Variants in ADAM12 observed in about 807,000 individuals in gnomAD.
ADAM12 encodes disintegrin and metalloproteinase domain-containing protein 12.
A neutral mutation model predicts 106.4 loss-of-function variants in ADAM12; 70 were observed. The ratio of observed to expected loss-of-function variants is 0.66; its 90% CI spans 0.54 to 0.80. ADAM12 has a LOEUF of 0.80. Among genes scored for constraint, ADAM12 ranks in the 30% least tolerant of loss-of-function variants. ADAM12 has a pLI of 0.00. For synonymous variants in ADAM12, 420 were observed against 433.5 expected (o/e 0.97, Z 0.39); for missense variants, 1,010 against 1,171.9 (o/e 0.86, Z 2.02).
Position 126,188,695 on chromosome 10 carries a change from C to G in ADAM12, c.261-33390G>C, listed in dbSNP as rs548808402. On this transcript the variant is annotated intron_variant, in intron 3 of 22. Coordinates refer to ENST00000448723, the MANE Select transcript of ADAM12 (RefSeq NM_001288973.2). ...ATCTTTGTACGCCCTTTAATCCCCT[C>G]ATCTTACCTTTGGGAATCTTTTTTT... Among the ~76,000 whole-genome samples the G allele has an allele frequency of 3.9e-5, 6 of 152,278 alleles. No homozygotes were observed. The East Asian group carries it at 5.8e-4, about 15-fold the overall frequency.
At chr10:126,317,496 G>C (rs188940071) in intron 2 of ADAM12, among the ~76,000 whole-genome samples, 1 of 152,180 alleles carries the variant, frequency 6.6e-6, no homozygotes, top group South Asian at 2.1e-4. Context: ...TTTAGAAAAG[G>C]GTCAATTTAA....
chr10:126,021,116 C>T (rs1213674703), intron 21 of ADAM12, among the ~76,000 whole-genome samples: 1 of 151,810 alleles, frequency 6.6e-6, no homozygotes, highest in East Asian at 1.9e-4. Context: ...GTGTTGGACA[C>T]ATCTCTGCTC....
intron 3 of ADAM12, among the ~76,000 whole-genome samples, chr10:126,251,636 T>TAGATGAATG (rs1958760137): frequency 0.077 from 11,094 of 143,890 alleles, no homozygotes; most frequent in Admixed American, 0.089. Flanking sequence ...ATGGATGGGA[T>TAGATGAATG]GATGGGATGG....
At chr10:126,336,415 C>T in intron 1 of ADAM12, among the ~76,000 whole-genome samples, 1 of 152,160 alleles carries the variant, frequency 6.6e-6, no homozygotes, top group East Asian at 1.9e-4. Flanking sequence ...GGCATGTTTG[C>T]CATTCACTGC....
intron 1 of ADAM12, among the ~76,000 whole-genome samples, chr10:126,335,809 T>C (rs1854678849): frequency 1.3e-5 from 2 of 152,190 alleles, no homozygotes; most frequent in Non-Finnish European, 2.9e-5. Flanking sequence ...AGATAAGTCC[T>C]GTGGATGGTA....
chr10:126,092,924 G>A (rs1175999539), intron 11 of ADAM12, among the ~76,000 whole-genome samples: 3 of 152,202 alleles, frequency 2.0e-5, no homozygotes, highest in Non-Finnish European at 4.4e-5. Flanking sequence ...GCTTGAAAAA[G>A]CACAGACACA....
At chr10:126,084,323 G>A (rs972132823) in intron 11 of ADAM12, among the ~76,000 whole-genome samples, 1 of 152,138 alleles carries the variant, frequency 6.6e-6, no homozygotes, top group Admixed American at 6.5e-5. Flanking sequence ...CCAGGGGCGG[G>A]GGACACAGTG....
At chr10:126,196,526 G>A (rs779053418) in intron 3 of ADAM12, among the ~76,000 whole-genome samples, 21 of 152,316 alleles carry the variant, frequency 1.4e-4, no homozygotes, top group Non-Finnish European at 2.4e-4. Flanking sequence ...ACATTTGATT[G>A]AAGACACATT....
At chr10:126,039,238 C>T (rs1325412599) in intron 19 of ADAM12, 56 bp downstream of exon 19, 17 of 1,598,428 alleles carry the variant, frequency 1.1e-5, no homozygotes, top group South Asian at 2.2e-5. Flanking sequence ...TGAGCCACCG[C>T]ACCCAGCCTC....
chr10:126,197,888 G>T (rs75115561), intron 3 of ADAM12, among the ~76,000 whole-genome samples: 1 of 152,190 alleles, frequency 6.6e-6, no homozygotes, highest in Non-Finnish European at 1.5e-5. Context: ...CCCAGACAGC[G>T]GGTGGTACGT....
intron 3 of ADAM12, among the ~76,000 whole-genome samples, chr10:126,182,905 C>A (rs1234178160): frequency 2.6e-5 from 4 of 152,258 alleles, no homozygotes; most frequent in Non-Finnish European, 5.9e-5. Flanking sequence ...GGGCCACAGA[C>A]CGATACCTGT....
intron 3 of ADAM12, among the ~76,000 whole-genome samples, chr10:126,183,080 C>T (rs1957343207): frequency 1.3e-5 from 2 of 152,150 alleles, no homozygotes; most frequent in South Asian, 2.1e-4. Flanking sequence ...GTGAACTGTG[C>T]ATGCGAGGGA....
At chr10:126,224,595 C>G (rs543973033) in intron 3 of ADAM12, among the ~76,000 whole-genome samples, 1 of 152,186 alleles carries the variant, frequency 6.6e-6, no homozygotes, top group Admixed American at 6.5e-5. Flanking sequence ...GCCCTTGTCA[C>G]GAAGGGAGGT....
intron 21 of ADAM12, among the ~76,000 whole-genome samples, chr10:126,030,921 T>C (rs377513772): frequency 6.6e-6 from 1 of 152,202 alleles, no homozygotes; most frequent in Admixed American, 6.5e-5. Context: ...TTTTTTACTA[T>C]TTTAAGTCCA....
intron 6 of ADAM12, among the ~76,000 whole-genome samples, chr10:126,110,536 T>G (rs1955851003): frequency 6.6e-6 from 1 of 151,644 alleles, no homozygotes; most frequent in Non-Finnish European, 1.5e-5. Context: ...AAGAAAAAAC[T>G]AAGACTGCAA....
intron 1 of ADAM12, among the ~76,000 whole-genome samples, chr10:126,382,784 G>A (rs750998727): frequency 6.6e-6 from 1 of 152,126 alleles, no homozygotes; most frequent in African/African-American, 2.4e-5. Context: ...CAATGAGAAA[G>A]AGGTGAACAA....
chr10:126,020,594 T>G (rs1417624884), intron 21 of ADAM12, among the ~76,000 whole-genome samples: 1 of 152,184 alleles, frequency 6.6e-6, no homozygotes, highest in Non-Finnish European at 1.5e-5. Flanking sequence ...AGCATTGTTA[T>G]GAGGATTAAA....
At chr10:126,019,019 A>G (rs1405966054) in intron 22 of ADAM12, among the ~76,000 whole-genome samples, 1 of 152,060 alleles carries the variant, frequency 6.6e-6, no homozygotes, top group Non-Finnish European at 1.5e-5. Flanking sequence ...GTAATCCCCA[A>G]AGTTGAAGGT....
chr10:126,380,796 A>G, intron 1 of ADAM12, among the ~76,000 whole-genome samples: 1 of 152,264 alleles, frequency 6.6e-6, no homozygotes, highest in East Asian at 1.9e-4. Flanking sequence ...GAGCTGCTTC[A>G]TATAGCTCCC....
Sources: allele counts gnomAD v4.1 joint callset (sites outside exome capture counted in the v4.1 genomes callset), GRCh38; gene constraint gnomAD v4.1.1; transcripts MANE v1.5; gene names NCBI Gene and HGNC (gene_info 2026-07-23, HGNC 2026-07-21).